SEL1L2: variants seen among roughly 807,000 people sequenced by gnomAD.
SEL1L2 encodes the protein SEL1L2 adaptor subunit of SYVN1 ubiquitin ligase.
A neutral mutation model predicts 98.8 loss-of-function variants in SEL1L2; 89 were observed. The ratio of observed to expected loss-of-function variants is 0.90; its 90% CI spans 0.76 to 1.07. SEL1L2 has a LOEUF of 1.07. Among genes scored for constraint, SEL1L2 ranks in the 50% least tolerant of loss-of-function variants. The pLI is 0.00. For synonymous variants in SEL1L2, 262 were observed against 278.5 expected, an observed-to-expected ratio of 0.94 and a Z score of 0.59; for missense variants, 788 against 812.0, an observed-to-expected ratio of 0.97 and a Z score of 0.36.
intron 1 of SEL1L2, among the ~76,000 whole-genome samples, chr20:13,964,126 G>A (rs534975528): frequency 5.9e-5 from 9 of 151,852 alleles, no homozygotes; most frequent in South Asian, 2.1e-4. Flanking sequence ...CACCCGCCTC[G>A]GCCTCCCAAA....
chr20:13,946,962 G>A (rs1336189208), intron 2 of SEL1L2, among the ~76,000 whole-genome samples: 1 of 152,198 alleles, frequency 6.6e-6, no homozygotes, highest in East Asian at 1.9e-4. Flanking sequence ...GGGTACTGAG[G>A]ATGGCTCAAT....
intron 17 of SEL1L2, among the ~76,000 whole-genome samples, chr20:13,863,850 G>C (rs1485110081): frequency 6.6e-6 from 1 of 151,768 alleles, no homozygotes; most frequent in Non-Finnish European, 1.5e-5. Context: ...CATGCCTGTA[G>C]TCCCAGCTAC....
At chr20:13,881,260 C>T (rs1381294025) in intron 10 of SEL1L2, among the ~76,000 whole-genome samples, 4 of 152,202 alleles carry the variant, frequency 2.6e-5, no homozygotes, top group Non-Finnish European at 5.9e-5. Context: ...GATCTGCCCG[C>T]CTCAGCTTCC....
At position 13,866,849 on chromosome 20, in the gene SEL1L2, A is replaced by G. The variant is rs1273920084; in HGVS notation, c.1257T>C (p.Ser419=). The G allele has an allele frequency of 6.2e-7, 1 of 1,601,526 alleles. No individual in the cohort carries two copies. The highest frequency in any genetic ancestry group is 1.8e-5 in the Admixed American group (1 of 56,858). Residue 419 remains serine (S), a splice_region_variant and synonymous_variant, in exon 15 of 20, where the codon TCT becomes TCC. Transcript: ENST00000284951. The part of the protein sequence containing the change: ...AQFQLGFMYY[S]GSGIWKDYKL... Reference sequence around the variant, plus strand: ...TATAATCCTTCCATATTCCAGAGCCAGCTGAAAATTAAAATTGTTTTGAGC... The same window carrying G: ...TATAATCCTTCCATATTCCAGAGCCGGCTGAAAATTAAAATTGTTTTGAGC...
chr20:13,952,815 G>A (rs920622975), intron 2 of SEL1L2, among the ~76,000 whole-genome samples: 2 of 152,144 alleles, frequency 1.3e-5, no homozygotes, highest in Non-Finnish European at 2.9e-5. Flanking sequence ...CAGATCACGA[G>A]GTCAAAAGAT....
Position 13,869,549 on chromosome 20 carries a change from T to G in SEL1L2, c.1209A>C (p.Glu403Asp). 1 of 1,614,150 alleles carries G rather than the reference T, an allele frequency of 6.2e-7. No individual in the cohort carries two copies. The highest frequency in any genetic ancestry group is 2.2e-5 in the East Asian group (1 of 44,870). ...GGAACTGTGCGTCGGGCCACCCTTT[T>G]TCCGCAGCTTTCTGAAAGTATTTAA... The part of the protein sequence containing the change: ...EALKYFQKAA[E>D]KGWPDAQFQL... Residue 403 changes from glutamate to aspartate, a missense_variant, in exon 14 of 20, where the codon GAA (glutamate) becomes GAC (aspartate). Glu to Asp is a conservative substitution (Grantham distance 45, BLOSUM62 2). Coordinates refer to ENST00000284951, the MANE Select transcript of SEL1L2 (RefSeq NM_025229.2).
At chr20:13,850,730 T>C (rs1245367950) in intron 18 of SEL1L2, among the ~76,000 whole-genome samples, 1 of 152,132 alleles carries the variant, frequency 6.6e-6, no homozygotes, top group African/African-American at 2.4e-5. Context: ...AGAACAGCCT[T>C]GATTTTAGCC....
At chr20:13,897,921 C>T (rs1342736638) in intron 5 of SEL1L2, among the ~76,000 whole-genome samples, 1 of 151,436 alleles carries the variant, frequency 6.6e-6, no homozygotes, top group East Asian at 1.9e-4. Context: ...TACTTCATAC[C>T]TGTTAAGATG....
chr20:13,910,366 C>G (rs1412185323), intron 5 of SEL1L2, among the ~76,000 whole-genome samples: 1 of 152,178 alleles, frequency 6.6e-6, no homozygotes, highest in East Asian at 1.9e-4. Flanking sequence ...GTATTACTAT[C>G]AATCTCTTTT....
chr20:13,991,406 C>T (rs984372447), upstream of SEL1L2, among the ~76,000 whole-genome samples: 1 of 152,180 alleles, frequency 6.6e-6, no homozygotes, highest in African/African-American at 2.4e-5. Flanking sequence ...GGAATTTATT[C>T]TCTCATAGTT....
intron 2 of SEL1L2, among the ~76,000 whole-genome samples, chr20:13,941,333 TAAA>T (rs901690976): frequency 1.3e-5 from 2 of 152,186 alleles, no homozygotes; most frequent in African/African-American, 4.8e-5. Flanking sequence ...TCATTACTCT[TAAA>T]AATCCCTGAT....
intron 1 of SEL1L2, among the ~76,000 whole-genome samples, chr20:13,988,521 C>T (rs2257887): frequency 0.99 from 150,532 of 152,348 alleles, 74,368 homozygotes; most frequent in East Asian, 1. Context: ...CTCTCAATTC[C>T]ATTCCAGTAA....
chr20:13,939,787 CT>C (rs1479860146), intron 2 of SEL1L2, among the ~76,000 whole-genome samples: 9 of 151,266 alleles, frequency 5.9e-5, no homozygotes, highest in Non-Finnish European at 1.3e-4. Context: ...ATGCCTCAGC[CT>C]CCCAAGTAGC....
chr20:13,950,728 C>A (rs1038164073), intron 2 of SEL1L2, among the ~76,000 whole-genome samples: 2 of 152,188 alleles, frequency 1.3e-5, no homozygotes, highest in Non-Finnish European at 2.9e-5. Flanking sequence ...GAGCTCTCTG[C>A]TCCTGGGAGA....
chr20:13,878,201 C>G (rs1301299508), intron 10 of SEL1L2, among the ~76,000 whole-genome samples: 1 of 152,180 alleles, frequency 6.6e-6, no homozygotes, highest in Admixed American at 6.5e-5. Flanking sequence ...TTGTCCCTTG[C>G]TGCCACACTC....
intron 1 of SEL1L2, among the ~76,000 whole-genome samples, chr20:13,957,096 A>C (rs2050574853): frequency 6.6e-6 from 1 of 151,470 alleles, no homozygotes; most frequent in Admixed American, 6.6e-5. Flanking sequence ...TAATTAATTA[A>C]TTTATTTCTA....
At chr20:13,949,365 T>C (rs1302611217) in intron 2 of SEL1L2, among the ~76,000 whole-genome samples, 4 of 152,138 alleles carry the variant, frequency 2.6e-5, no homozygotes, top group African/African-American at 4.8e-5. Context: ...AAATGGCTAC[T>C]ATAAAAACAA....
intron 5 of SEL1L2, among the ~76,000 whole-genome samples, chr20:13,889,588 G>A (rs571098576): frequency 1.1e-4 from 17 of 152,058 alleles, no homozygotes; most frequent in Non-Finnish European, 1.5e-4. Flanking sequence ...TCAGGAGATC[G>A]AGACCATCCT....
intron 5 of SEL1L2, among the ~76,000 whole-genome samples, chr20:13,895,564 A>T (rs2148049179): frequency 6.6e-6 from 1 of 152,300 alleles, no homozygotes; most frequent in South Asian, 2.1e-4. Context: ...TTGTGAGAAA[A>T]ACACTCAACA....
Sources: allele counts gnomAD v4.1 joint callset (sites outside exome capture counted in the v4.1 genomes callset), GRCh38; gene constraint gnomAD v4.1.1; transcripts MANE v1.5; gene names NCBI Gene and HGNC (gene_info 2026-07-23, HGNC 2026-07-21).